Variants in SWT1 observed in about 807,000 individuals in gnomAD.
The protein encoded by SWT1 is transcriptional protein SWT1.
A neutral mutation model predicts 107.3 loss-of-function variants in SWT1; 33 were observed. The ratio of observed to expected loss-of-function variants is 0.31; its 90% CI spans 0.23 to 0.41. The LOEUF (loss-of-function observed/expected upper bound fraction) is 0.41, where lower values mean the gene tolerates loss of function less well. Among genes scored for constraint, SWT1 ranks in the 10% least tolerant of loss-of-function variants. The probability of loss-of-function intolerance (pLI) is 1.00; values close to 1 mark genes in which losing one functional copy is unlikely to be tolerated. For missense variants in SWT1, 898 were observed against 1,028.9 expected (o/e 0.87, Z 1.74); for synonymous variants, 345 against 348.3 (o/e 0.99, Z 0.11).
In SWT1 at chr1:185,208,922, T is replaced by A. The variant is rs181050884; in HGVS notation, c.1972+2159T>A. ...GCTGCTTAAAAACAGAGTTTATTGG[T>A]GCCTGAGGCTCAAAGTCAGAGTTGG... On this transcript the variant is annotated intron_variant, in intron 13 of 18. Transcript: ENST00000367500. Among the ~76,000 whole-genome samples the A allele has an allele frequency of 1.1e-4, 16 of 152,218 alleles. No homozygotes were observed. In the East Asian group the frequency reaches 2.9e-3, roughly 28 times the overall value.
intron 13 of SWT1, among the ~76,000 whole-genome samples, chr1:185,211,884 T>G (rs1024237261): frequency 7.9e-5 from 12 of 152,002 alleles, no homozygotes; most frequent in African/African-American, 1.9e-4. Flanking sequence ...CCATAAAAAA[T>G]GATGAGTTCA....
intron 13 of SWT1, among the ~76,000 whole-genome samples, chr1:185,211,731 A>G (rs1658825966): frequency 6.6e-6 from 1 of 152,246 alleles, no homozygotes. Flanking sequence ...ACTATAAATC[A>G]TGCTGCTATA....
intron 15 of SWT1, among the ~76,000 whole-genome samples, chr1:185,230,408 C>A (rs1660424936): frequency 6.6e-6 from 1 of 152,160 alleles, no homozygotes; most frequent in African/African-American, 2.4e-5. Flanking sequence ...TTTCTCTTTT[C>A]TTCTGGTAGT....
In SWT1 at chr1:185,229,163, C is replaced by T. The variant is rs908482330; in HGVS notation, c.2310-2414C>T. ...TGATGAGGGTGAGGCAGGAAGAGGG[C>T]GAGATACCGGTTTAGGTGTGTACTG... On this transcript the variant is annotated intron_variant, in intron 15 of 18. Transcript: ENST00000367500. 4.6e-5 allele frequency among the ~76,000 whole-genome samples: 7 copies of T among 151,900 alleles called. No homozygotes were observed. The East Asian group carries it at 5.8e-4, about 13-fold the overall frequency.
intron 16 of SWT1, among the ~76,000 whole-genome samples, chr1:185,233,951 A>G (rs1397485984): frequency 6.6e-6 from 1 of 152,038 alleles, no homozygotes; most frequent in African/African-American, 2.4e-5. Flanking sequence ...TCACCATGTT[A>G]GCAAGGATGG....
intron 15 of SWT1, among the ~76,000 whole-genome samples, chr1:185,224,204 A>G (rs1659883750): frequency 6.6e-6 from 1 of 151,930 alleles, no homozygotes; most frequent in Admixed American, 6.6e-5. Flanking sequence ...CTTTTTCCCA[A>G]TGTGTGTTCT....
At chr1:185,239,263 C>G (rs1185021263) in intron 16 of SWT1, among the ~76,000 whole-genome samples, 1 of 152,044 alleles carries the variant, frequency 6.6e-6, no homozygotes, top group African/African-American at 2.4e-5. Context: ...ATCCTGGTAC[C>G]TTCTTTAGAA....
At chr1:185,261,108 C>T (rs1227235160) in intron 16 of SWT1, among the ~76,000 whole-genome samples, 3 of 152,020 alleles carry the variant, frequency 2.0e-5, no homozygotes, top group African/African-American at 7.2e-5. Context: ...CTGCTGTCAC[C>T]ACTATCTATC....
At chr1:185,178,394 A>G (rs1655744602) in intron 5 of SWT1, among the ~76,000 whole-genome samples, 1 of 152,196 alleles carries the variant, frequency 6.6e-6, no homozygotes, top group Admixed American at 6.5e-5. Flanking sequence ...TCGTAGATGG[A>G]AGAGAGCCAC....
chr1:185,240,760 A>G (rs1050167597), intron 16 of SWT1, among the ~76,000 whole-genome samples: 2 of 152,012 alleles, frequency 1.3e-5, no homozygotes, highest in African/African-American at 2.4e-5. Flanking sequence ...TTAGACAGCT[A>G]TTTTTCTAAA....
chr1:185,262,996 AGGCTGGTCT>A (rs776185615), intron 16 of SWT1, among the ~76,000 whole-genome samples: 5 of 152,054 alleles, frequency 3.3e-5, no homozygotes, highest in African/African-American at 4.8e-5. Context: ...CATGTTGCCC[AGGCTGGTCT>A]GGAACTCCTG....
intron 16 of SWT1, among the ~76,000 whole-genome samples, chr1:185,239,798 T>G (rs987911490): frequency 9.9e-5 from 15 of 152,138 alleles, no homozygotes; most frequent in African/African-American, 3.6e-4. Flanking sequence ...ATGTCTAGAT[T>G]GATCAAGTAA....
At chr1:185,290,567 T>C in intron 18 of SWT1, 107 bp from the exon 19 acceptor site, 1 of 717,060 alleles carries the variant, frequency 1.4e-6, no homozygotes. Context: ...ATACATAATA[T>C]ATATATATTT....
At chr1:185,183,585 T>C (rs796138325) in intron 7 of SWT1, among the ~76,000 whole-genome samples, 8 of 152,308 alleles carry the variant, frequency 5.3e-5, no homozygotes, top group African/African-American at 1.9e-4. Flanking sequence ...GCCCAGCATG[T>C]ATTTTCTTTT....
intron 16 of SWT1, among the ~76,000 whole-genome samples, chr1:185,245,473 T>G (rs1238690370): frequency 6.6e-6 from 1 of 152,144 alleles, no homozygotes; most frequent in Non-Finnish European, 1.5e-5. Context: ...TAGTTAACTT[T>G]TTTAATAAGT....
intron 16 of SWT1, among the ~76,000 whole-genome samples, chr1:185,233,677 A>T (rs1249970829): frequency 6.6e-6 from 1 of 152,160 alleles, no homozygotes; most frequent in Non-Finnish European, 1.5e-5. Context: ...ACTGTTTGTT[A>T]TGATTTACAT....
chr1:185,186,793 C>T (rs981024463), intron 9 of SWT1, among the ~76,000 whole-genome samples: 1 of 151,368 alleles, frequency 6.6e-6, no homozygotes, highest in South Asian at 2.1e-4. Context: ...TCGCTCCCGT[C>T]ACGCAGGCTG....
At chr1:185,203,864 A>G (rs762583397) in intron 11 of SWT1, among the ~76,000 whole-genome samples, 10 of 152,096 alleles carry the variant, frequency 6.6e-5, no homozygotes, top group Non-Finnish European at 1.0e-4. Flanking sequence ...CTTTTTGGAA[A>G]TAACGTTTTT....
chr1:185,180,307 C>T (rs1655913540), intron 5 of SWT1, 84 bp from the exon 6 acceptor site: 5 of 1,072,924 alleles, frequency 4.7e-6, no homozygotes, highest in Non-Finnish European at 5.8e-6. Flanking sequence ...AATTATCTGA[C>T]CCTGAAGGTT....
Sources: gnomAD v4.1 joint callset for allele counts (sites outside exome capture counted in the v4.1 genomes callset) on GRCh38, gnomAD v4.1.1 for gene constraint, MANE v1.5 for transcripts, NCBI Gene and HGNC (gene_info 2026-07-23, HGNC 2026-07-21) for gene names.